The following ATP2A3 variants were observed in gnomAD, a reference collection of about 807,000 sequenced individuals.
The protein encoded by ATP2A3 is sarcoplasmic/endoplasmic reticulum calcium ATPase 3.
ATP2A3 carries 61 observed loss-of-function variants against 106.8 expected under a neutral mutation model. The ratio of observed to expected loss-of-function variants is 0.57; its 90% CI spans 0.46 to 0.71. ATP2A3 has a LOEUF of 0.71. Ranked by LOEUF, ATP2A3 falls within the 30% of genes least tolerant of loss-of-function variation. The probability of loss-of-function intolerance (pLI) is 0.00; values close to 1 mark genes in which losing one functional copy is unlikely to be tolerated. For synonymous variants in ATP2A3, 611 were observed against 609.3 expected (o/e 1.00, Z -0.04); for missense variants, 1,201 against 1,423.5 (o/e 0.84, Z 2.52).
At position 3,955,557 on chromosome 17, in the gene ATP2A3, C is replaced by T. The variant is rs561567429; in HGVS notation, c.119-1847G>A. On this transcript the variant is annotated intron_variant, in intron 1 of 20. Transcript: ENST00000397041. This position sits in a 1 kb window ranked among gnomAD's most constrained non-coding sequence, Gnocchi z 4.2. ...ATTTAGCTGAGGCGAACAGGAAAGG[C>T]GGGGGGAGGGCCAGGACTGGTTTCT... Among the ~76,000 whole-genome samples the T allele has an allele frequency of 1.5e-4, 23 of 152,250 alleles. No homozygotes were observed. The highest frequency in any genetic ancestry group is 3.4e-4 in the Non-Finnish European group (23 of 68,002).
intron 14 of ATP2A3, among the ~76,000 whole-genome samples, chr17:3,940,447 T>G (rs1240792060): frequency 6.6e-6 from 1 of 152,158 alleles, no homozygotes; most frequent in Non-Finnish European, 1.5e-5. Flanking sequence ...GCAAATACAA[T>G]AAAATGTTAG....
chr17:3,941,421 G>T lies in ATP2A3; in HGVS notation c.1764+15C>A. On this transcript the variant is annotated intron_variant, in intron 13 of 20. Transcript: ENST00000397041. ...CCCACCTCGTACTGCAGGGAGAATCGGCTCCTGCACCCACCTCGTACTGCA... is the reference window on the plus strand; with the variant it reads ...CCCACCTCGTACTGCAGGGAGAATCTGCTCCTGCACCCACCTCGTACTGCA... 1 of 1,613,796 alleles carries T rather than the reference G, an allele frequency of 6.2e-7. No homozygotes were observed. The highest frequency in any genetic ancestry group is 8.5e-7 in the Non-Finnish European group (1 of 1,179,902).
At chr17:3,931,309 A>G (rs555848191) in intron 17 of ATP2A3, among the ~76,000 whole-genome samples, 1 of 152,108 alleles carries the variant, frequency 6.6e-6, no homozygotes, top group Admixed American at 6.6e-5. Flanking sequence ...AGGGCTGATA[A>G]CCCCTATAGC....
At chr17:3,945,371 C>T (rs1031788858) in intron 8 of ATP2A3, 4 of 470,730 alleles carry the variant, frequency 8.5e-6, no homozygotes, top group Non-Finnish European at 1.5e-5. Flanking sequence ...TCCCAATGTC[C>T]TGGACTTCTG....
chr17:3,943,636 C>T, intron 10 of ATP2A3, 114 bp from the exon 11 acceptor site: 1 of 1,535,948 alleles, frequency 6.5e-7, no homozygotes. Flanking sequence ...CGTGTAACCT[C>T]CTTTGCACCG....
At chr17:3,962,954 C>A (rs1055747024) in intron 1 of ATP2A3, among the ~76,000 whole-genome samples, 2 of 152,212 alleles carry the variant, frequency 1.3e-5, no homozygotes, top group Non-Finnish European at 2.9e-5. Flanking sequence ...AACCTCCCTG[C>A]CAAGTCACTA....
At chr17:3,949,301 G>A (rs893303498) in intron 7 of ATP2A3, among the ~76,000 whole-genome samples, 1 of 152,162 alleles carries the variant, frequency 6.6e-6, no homozygotes, top group African/African-American at 2.4e-5. Context: ...TCAGGCTACT[G>A]CGGGGCAGCT....
chr17:3,959,829 G>A (rs1198898855), intron 1 of ATP2A3, among the ~76,000 whole-genome samples: 1 of 152,256 alleles, frequency 6.6e-6, no homozygotes, highest in East Asian at 1.9e-4. Context: ...CCGCTCTGCA[G>A]CGGGGCCTGC....
intron 12 of ATP2A3, 48 bp downstream of exon 12, chr17:3,942,558 G>A: frequency 1.3e-6 from 2 of 1,597,206 alleles, no homozygotes; most frequent in Non-Finnish European, 1.7e-6. Flanking sequence ...TGGATGACCA[G>A]GTTCCCCAGG....
rs778832579 is a variant in ATP2A3, at chr17:3,930,403, G to A, written c.2642C>T (p.Pro881Leu). 11 of 1,613,994 alleles carry A rather than the reference G, an allele frequency of 6.8e-6. No homozygotes were observed. Among genetic ancestry groups the A allele is most frequent in the East Asian group, 2.2e-5 (1 of 44,882 alleles). Residue 881 changes from proline to leucine, a missense_variant, in exon 18 of 21, where the codon CCG (proline) becomes CTG (leucine). This residue lies in a region of ATP2A3 where 935 missense variants were observed against 1,176.7 expected (regional missense o/e 0.79). Coordinates refer to ENST00000397041, the MANE Select transcript of ATP2A3 (RefSeq NM_005173.4). This position sits in a 1 kb window ranked among gnomAD's most constrained non-coding sequence, Gnocchi z 5.4. Reference protein sequence around the residue: ...RNFLKCSEDNPLFAGIDCEVF... With the variant: ...RNFLKCSEDNLLFAGIDCEVF... ...CTCACAGTCGATGCCGGCAAAGAGC[G>A]GGTTGTCTTCGGAGCACTTCAGGAA...
At chr17:3,944,140 T>G (rs947949856) in intron 10 of ATP2A3, among the ~76,000 whole-genome samples, 1 of 152,218 alleles carries the variant, frequency 6.6e-6, no homozygotes, top group Non-Finnish European at 1.5e-5. Flanking sequence ...TAGGCCTCCC[T>G]GGCTTCGGTC....
At chr17:3,934,662 T>G (rs928763555) in intron 17 of ATP2A3, among the ~76,000 whole-genome samples, 1 of 152,028 alleles carries the variant, frequency 6.6e-6, no homozygotes, top group Non-Finnish European at 1.5e-5. Context: ...TAGCTGGGAT[T>G]ACAGGCGTGC....
Position 3,953,740 on chromosome 17 carries a change from T to G in ATP2A3, c.119-30A>C, listed in dbSNP as rs562731759. On this transcript the variant is annotated intron_variant, in intron 1 of 20. Transcript: ENST00000397041. The surrounding 1 kb of genome is among the most constrained non-coding windows in gnomAD (Gnocchi z 5.1). ...AGGATCCAGGCAGCCACGGGAGCCA[T>G]GAGGAGACAAGAGAGGAGTGGGTCA... 17 of 1,568,100 alleles carry G rather than the reference T, an allele frequency of 1.1e-5. No individual in the cohort carries two copies. In the East Asian group the frequency reaches 3.5e-4, roughly 33 times the overall value.
intron 14 of ATP2A3, among the ~76,000 whole-genome samples, chr17:3,938,866 C>T (rs1249443657): frequency 2.0e-5 from 3 of 152,142 alleles, no homozygotes; most frequent in African/African-American, 4.8e-5. Flanking sequence ...GGGTTAAGCT[C>T]AACGTAAATA....
At position 3,944,710 on chromosome 17, in the gene ATP2A3, G is replaced by A. The variant is rs150494084; in HGVS notation, c.1281C>T (p.Tyr427=). 701 of 1,613,164 alleles carry A rather than the reference G, an allele frequency of 4.3e-4. 5 individuals carry two copies. In the African/African-American group the frequency reaches 8.1e-3, roughly 19 times the overall value. ...CALCNDSALD[Y]NEAKGVYEKV... ...GAAAGGGGGTGAGGCCCACCTCGTT[G>A]TAGTCCAGAGCCGAGTCGTTGCACA... The change falls in exon 10 of 21, where the codon TAC becomes TAT. Residue 427 remains tyrosine, a synonymous_variant. Transcript: ENST00000397041.
At position 3,955,329 on chromosome 17, in the gene ATP2A3, ACCT is replaced by A; in HGVS notation, c.119-1622_119-1620del. The stretch of plus-strand genomic sequence containing the variant: ...CCTGTTTGGAAGCTTTGGGGTCTGC[ACCT>A]GGCAGCTGAACCCTGGGGAGTATCA... On this transcript the variant is annotated intron_variant, in intron 1 of 20. Coordinates refer to ENST00000397041, the MANE Select transcript of ATP2A3 (RefSeq NM_005173.4). The surrounding 1 kb of genome is among the most constrained non-coding windows in gnomAD (Gnocchi z 4.2). Among the ~76,000 whole-genome samples, 1 of 152,098 alleles carries A rather than the reference ACCT, an allele frequency of 6.6e-6. No homozygotes were observed. The highest frequency in any genetic ancestry group is 6.6e-5 in the Admixed American group (1 of 15,266).
rs1434938482 is a variant in ATP2A3, at chr17:3,953,052, C to A, written c.219+295G>T. 6.6e-6 allele frequency among the ~76,000 whole-genome samples: 1 copy of A among 152,140 alleles called. No homozygotes were observed. Among genetic ancestry groups the A allele is most frequent in the Non-Finnish European group, 1.5e-5 (1 of 68,034 alleles). On this transcript the variant is annotated intron_variant, in intron 3 of 20. Transcript: ENST00000397041. The surrounding 1 kb of genome is among the most constrained non-coding windows in gnomAD (Gnocchi z 5.1). Reference sequence around the variant, plus strand: ...TATCAGTAGTGCTGAGGCAGAGAAACCCTAGGGTACAGCAGGGCGGGGCGG... The same window carrying A: ...TATCAGTAGTGCTGAGGCAGAGAAAACCTAGGGTACAGCAGGGCGGGGCGG...
chr17:3,941,032 T>C lies in ATP2A3; in HGVS notation c.2039A>G (p.Glu680Gly), dbSNP rs1889874326. The part of the protein sequence containing the change: ...CRTARCFARV[E>G]PAHKSRIVEN... ...CACGATGCGGGACTTGTGTGCGGGC[T>C]CCACGCGGGCGAAGCAGCGGGCGGT... Residue 680 changes from glutamate to glycine, a missense_variant, in exon 14 of 21, where the codon GAG becomes GGG. Transcript: ENST00000397041. The C allele has an allele frequency of 6.2e-7, 1 of 1,613,858 alleles. No individual in the cohort carries two copies. The highest frequency in any genetic ancestry group is 8.5e-7 in the Non-Finnish European group (1 of 1,179,796).
Position 3,924,667 on chromosome 17 carries a change from T to TGAG in ATP2A3, c.*752_*754dup, listed in dbSNP as rs1298020033. Reference sequence around the variant, plus strand: ...CTCCCGAGCTCAGGACGGGGAACCCTGAGTCCAGGAGGCGCGCGGGGCTGA... The same window carrying TGAG: ...CTCCCGAGCTCAGGACGGGGAACCCTGAGGAGTCCAGGAGGCGCGCGGGGCTGA... On this transcript the variant is annotated 3_prime_UTR_variant, in exon 21 of 21. Transcript: ENST00000397041. The surrounding 1 kb of genome is among the most constrained non-coding windows in gnomAD (Gnocchi z 6.4). 3.0e-5 allele frequency: 13 copies of TGAG among 438,010 alleles called. No individual in the cohort carries two copies. The highest frequency in any genetic ancestry group is 8.1e-5 in the South Asian group (5 of 61,900). 27.1% of individuals were successfully genotyped at this position (438,010 alleles called of 1,614,324 possible).
Sources: allele counts gnomAD v4.1 joint callset (sites outside exome capture counted in the v4.1 genomes callset), GRCh38; gene constraint gnomAD v4.1.1; regional missense constraint gnomAD v4.1.1; non-coding constraint Gnocchi (gnomAD v3.1); transcripts MANE v1.5; gene names NCBI Gene and HGNC (gene_info 2026-07-23, HGNC 2026-07-21).